Variants in LAMA2 observed in about 807,000 individuals in gnomAD.
LAMA2 encodes laminin subunit alpha 2.
A neutral mutation model predicts 364.8 loss-of-function variants in LAMA2; 269 were observed. The observed-to-expected ratio is 0.74, with a 90% CI of 0.67 to 0.82. The LOEUF (loss-of-function observed/expected upper bound fraction) is 0.82, where lower values mean the gene tolerates loss of function less well. Ranked by LOEUF, LAMA2 falls within the 40% of genes least tolerant of loss-of-function variation. The pLI, the probability that LAMA2 is intolerant of heterozygous loss-of-function variation, is 0.00. For missense variants in LAMA2, 3,807 were observed against 3,873.2 expected (o/e 0.98, Z 0.45); for synonymous variants, 1,379 against 1,370.6 (o/e 1.01, Z -0.14).
chr6:129,265,358 G>A (rs1787431891), intron 15 of LAMA2, among the ~76,000 whole-genome samples: 1 of 152,170 alleles, frequency 6.6e-6, no homozygotes, highest in Admixed American at 6.5e-5. Flanking sequence ...CGTGGTATGA[G>A]TACTGCATTT....
chr6:129,092,777 A>G (rs1008791772), intron 3 of LAMA2, among the ~76,000 whole-genome samples: 1 of 152,104 alleles, frequency 6.6e-6, no homozygotes, highest in African/African-American at 2.4e-5. Flanking sequence ...TATGAGAAGG[A>G]TAAAGCATTG....
intron 55 of LAMA2, among the ~76,000 whole-genome samples, chr6:129,482,328 C>T (rs9321169): frequency 0.024 from 3,615 of 152,168 alleles, 136 homozygotes; most frequent in African/African-American, 0.083. Flanking sequence ...ATCTATATCC[C>T]CTGTCCATTT....
intron 30 of LAMA2, among the ~76,000 whole-genome samples, chr6:129,347,875 A>C (rs1402944384): frequency 6.6e-6 from 1 of 152,224 alleles, no homozygotes; most frequent in African/African-American, 2.4e-5. Context: ...CTATTCAAGA[A>C]TTACTACATT....
At chr6:129,084,709 C>T (rs1307663262) in intron 3 of LAMA2, among the ~76,000 whole-genome samples, 1 of 152,074 alleles carries the variant, frequency 6.6e-6, no homozygotes, top group Non-Finnish European at 1.5e-5. Context: ...ATTTGCAGTA[C>T]CATTCTTAGA....
intron 3 of LAMA2, among the ~76,000 whole-genome samples, chr6:129,092,368 A>C (rs1416227629): frequency 6.6e-6 from 1 of 152,224 alleles, no homozygotes; most frequent in Non-Finnish European, 1.5e-5. Context: ...ATGGGTATTA[A>C]GCTTGAAAAC....
intron 58 of LAMA2, among the ~76,000 whole-genome samples, chr6:129,495,091 C>T (rs1243159318): frequency 1.3e-5 from 2 of 152,184 alleles, no homozygotes; most frequent in Non-Finnish European, 2.9e-5. Context: ...TACTTACAGC[C>T]TTTGCTTGAA....
At chr6:128,883,801 T>TACACACACACACACAC (rs71543146) in intron 1 of LAMA2, among the ~76,000 whole-genome samples, 1 of 135,982 alleles carries the variant, frequency 7.4e-6, no homozygotes, top group African/African-American at 3.0e-5. Flanking sequence ...TATATATATA[T>TACACACACACACACAC]ACACACACAC....
At chr6:129,459,975 T>C (rs1045624937) in intron 48 of LAMA2, among the ~76,000 whole-genome samples, 4 of 152,062 alleles carry the variant, frequency 2.6e-5, no homozygotes, top group African/African-American at 9.7e-5. Context: ...TAATCAGCAT[T>C]CGTGGATTAA....
At chr6:129,173,497 C>T (rs1780356747) in intron 9 of LAMA2, among the ~76,000 whole-genome samples, 1 of 152,176 alleles carries the variant, frequency 6.6e-6, no homozygotes, top group South Asian at 2.1e-4. Flanking sequence ...ACATTCTTCA[C>T]CACTTGTCAG....
intron 2 of LAMA2, among the ~76,000 whole-genome samples, chr6:129,055,097 A>G (rs1225412451): frequency 2.0e-5 from 3 of 150,972 alleles, no homozygotes; most frequent in Admixed American, 6.6e-5. Flanking sequence ...ATAAGTTATG[A>G]TTTGTATTTC....
At chr6:128,944,618 C>A (rs1442701554) in intron 1 of LAMA2, among the ~76,000 whole-genome samples, 1 of 150,790 alleles carries the variant, frequency 6.6e-6, no homozygotes, top group African/African-American at 2.4e-5. Flanking sequence ...CATGGTGAAA[C>A]CTCGTCTCTG....
At chr6:128,929,673 A>T in intron 1 of LAMA2, 1 of 1,418,726 alleles carries the variant, frequency 7.0e-7, no homozygotes. Flanking sequence ...CACTGAAGCC[A>T]ACGCCAAGAA....
At chr6:128,939,257 T>A (rs1780018096) in intron 1 of LAMA2, among the ~76,000 whole-genome samples, 1 of 152,174 alleles carries the variant, frequency 6.6e-6, no homozygotes, top group South Asian at 2.1e-4. Context: ...AATAATTTTT[T>A]GTTCTTGTGT....
intron 32 of LAMA2, among the ~76,000 whole-genome samples, chr6:129,357,413 A>T (rs765421571): frequency 2.2e-4 from 34 of 152,160 alleles, no homozygotes; most frequent in Non-Finnish European, 4.1e-4. Flanking sequence ...TATAAATATC[A>T]AATTGGTGTT....
rs1331080510 is a variant in LAMA2 at position 129,050,085 on chromosome 6, A to G, written c.280A>G (p.Asn94Asp). 1.2e-6 allele frequency: 2 copies of G among 1,614,062 alleles called. No homozygotes were observed. The highest frequency in any genetic ancestry group is 2.7e-5 in the African/African-American group (2 of 74,924). ...CTGCAATCAAAACAGCAGCAATCCA[A>G]ACCGTATGTATTTTAGTGTGTAGGT... ...RICNQNSSNP[N>D]QRHPITNAID... is the part of the protein sequence containing the mutation. Residue 94 changes from asparagine to aspartate, a missense_variant, in exon 2 of 65, where the codon AAC becomes GAC. Transcript: ENST00000421865.
chr6:129,008,130 T>G (rs1784546688), intron 1 of LAMA2, among the ~76,000 whole-genome samples: 1 of 152,206 alleles, frequency 6.6e-6, no homozygotes, highest in Non-Finnish European at 1.5e-5. Flanking sequence ...ACGCTTATTT[T>G]GCTCTTGAAC....
At chr6:129,083,706 G>A (rs536038698) in intron 3 of LAMA2, among the ~76,000 whole-genome samples, 2 of 152,212 alleles carry the variant, frequency 1.3e-5, no homozygotes, top group Non-Finnish European at 2.9e-5. Context: ...GTAGATGTAG[G>A]TTCTCTTGCC....
At chr6:129,158,101 C>G in intron 8 of LAMA2, 2 of 1,612,090 alleles carry the variant, frequency 1.2e-6, no homozygotes, top group Non-Finnish European at 1.7e-6. Context: ...TGGCACAGAC[C>G]ACAGGCAGCT....
At chr6:129,035,847 A>G (rs987882979) in intron 1 of LAMA2, among the ~76,000 whole-genome samples, 1 of 152,008 alleles carries the variant, frequency 6.6e-6, no homozygotes, top group Non-Finnish European at 1.5e-5. Flanking sequence ...TGCCATTTTT[A>G]TACCATTACC....
Sources: allele counts gnomAD v4.1 joint callset (sites outside exome capture counted in the v4.1 genomes callset), GRCh38; gene constraint gnomAD v4.1.1; transcripts MANE v1.5; gene names NCBI Gene and HGNC (gene_info 2026-07-23, HGNC 2026-07-21).